The following RNF130 variants were observed in gnomAD, a reference collection of about 807,000 sequenced individuals.
The protein encoded by RNF130 is E3 ubiquitin-protein ligase RNF130.
RNF130 carries 21 observed loss-of-function variants against 44.6 expected under a neutral mutation model. The ratio of observed to expected loss-of-function variants is 0.47; its 90% CI spans 0.33 to 0.68. The LOEUF (loss-of-function observed/expected upper bound fraction) is 0.68. Ranked by LOEUF, RNF130 falls within the 30% of genes least tolerant of loss-of-function variation. The pLI is 0.02. For missense variants in RNF130, 479 were observed against 560.6 expected, an observed-to-expected ratio of 0.85 and a Z score of 1.47; for synonymous variants, 214 against 210.4, an observed-to-expected ratio of 1.02 and a Z score of -0.15.
At chr5:179,995,079 G>C (rs546216168) in intron 3 of RNF130, among the ~76,000 whole-genome samples, 1 of 152,308 alleles carries the variant, frequency 6.6e-6, no homozygotes, top group South Asian at 2.1e-4. Context: ...TCTAGGGACA[G>C]TTGCCAAACC....
chr5:179,953,122 G>T (rs1037769973), downstream of RNF130, among the ~76,000 whole-genome samples: 1 of 151,424 alleles, frequency 6.6e-6, no homozygotes, highest in African/African-American at 2.4e-5. Context: ...AAAAATATGA[G>T]AATAAATGAG....
chr5:179,929,382 T>C (rs193018571), intron 7 of RNF130, among the ~76,000 whole-genome samples: 89 of 152,344 alleles, frequency 5.8e-4, no homozygotes, highest in Middle Eastern at 3.4e-3. Flanking sequence ...TGATTTCCAG[T>C]ATCTAAGTCC....
At chr5:179,912,525 G>C (rs1761480678) in exon 8 of RNF130, 1 of 152,222 alleles carries the variant, frequency 6.6e-6, no homozygotes, top group African/African-American at 2.4e-5. Context: ...AACGCCTGGA[G>C]ACAGCACCCT....
intron 5 of RNF130, among the ~76,000 whole-genome samples, chr5:179,973,391 A>G (rs1412921735): frequency 5.9e-5 from 9 of 152,130 alleles, no homozygotes; most frequent in Non-Finnish European, 8.8e-5. Flanking sequence ...ACTTTCACTG[A>G]ACTCACTGTG....
chr5:179,930,630 G>A (rs1185761446), intron 7 of RNF130, among the ~76,000 whole-genome samples: 1 of 152,142 alleles, frequency 6.6e-6, no homozygotes, highest in Non-Finnish European at 1.5e-5. Flanking sequence ...TAGGGAAAAA[G>A]TTTTTAATAT....
chr5:179,974,753 G>C (rs970747800), intron 5 of RNF130, among the ~76,000 whole-genome samples: 2 of 152,244 alleles, frequency 1.3e-5, no homozygotes, highest in African/African-American at 4.8e-5. Context: ...AGTGTCACGA[G>C]ATGCCGGCGA....
At chr5:180,066,795 T>C (rs1765117910) in intron 1 of RNF130, among the ~76,000 whole-genome samples, 1 of 151,858 alleles carries the variant, frequency 6.6e-6, no homozygotes, top group Non-Finnish European at 1.5e-5. Flanking sequence ...ATCGCGCCAT[T>C]GCACTCCGCC....
At chr5:179,966,138 C>G (rs1762438463) in intron 7 of RNF130, among the ~76,000 whole-genome samples, 1 of 152,190 alleles carries the variant, frequency 6.6e-6, no homozygotes, top group African/African-American at 2.4e-5. Context: ...CTCACTCACA[C>G]CGTCCTGAGG....
chr5:179,989,868 G>A (rs187948222), intron 3 of RNF130, among the ~76,000 whole-genome samples: 56 of 152,018 alleles, frequency 3.7e-4, no homozygotes, highest in Middle Eastern at 3.4e-3. Flanking sequence ...TCTCTTCTTC[G>A]TGTAATTGTT....
At chr5:180,015,691 A>G (rs867956161) in intron 2 of RNF130, among the ~76,000 whole-genome samples, 15 of 119,362 alleles carry the variant, frequency 1.3e-4, no homozygotes, top group African/African-American at 4.7e-4. Flanking sequence ...AAGGAGTAGG[A>G]AAGGAGTAGG....
chr5:180,008,700 C>T (rs912305561), intron 3 of RNF130, among the ~76,000 whole-genome samples: 1 of 152,078 alleles, frequency 6.6e-6, no homozygotes, highest in African/African-American at 2.4e-5. Context: ...GCCTGGGCAA[C>T]ACAGTGAAAC....
downstream of RNF130, among the ~76,000 whole-genome samples, chr5:179,953,083 G>A (rs187797275): frequency 8.5e-4 from 129 of 151,474 alleles, no homozygotes; most frequent in African/African-American, 3.1e-3. Flanking sequence ...ACATGATCTT[G>A]TAGACAGAAA....
intron 5 of RNF130, 103 bp downstream of exon 5, chr5:179,978,100 C>T (rs1038354370): frequency 1.0e-5 from 10 of 960,026 alleles, no homozygotes; most frequent in South Asian, 6.9e-5. Flanking sequence ...CAGAAAGCCA[C>T]GAGGTGGGTG....
chr5:180,033,204 A>G (rs1421666160), intron 2 of RNF130, among the ~76,000 whole-genome samples: 1 of 151,384 alleles, frequency 6.6e-6, no homozygotes. Flanking sequence ...CTGGTTTTAA[A>G]CTCCTGGGCT....
chr5:179,933,380 A>G (rs1761838304), intron 7 of RNF130, among the ~76,000 whole-genome samples: 1 of 43,282 alleles, frequency 2.3e-5, no homozygotes, highest in African/African-American at 7.0e-5. Context: ...TTTACTAACA[A>G]TGTTCTCATA....
intron 2 of RNF130, among the ~76,000 whole-genome samples, chr5:180,037,012 G>A (rs1183737876): frequency 6.6e-6 from 1 of 151,870 alleles, no homozygotes; most frequent in African/African-American, 2.4e-5. Flanking sequence ...AAAAAGTTTT[G>A]CATTTTAATT....
intron 1 of RNF130, among the ~76,000 whole-genome samples, chr5:180,057,314 C>T (rs144993883): frequency 0.22 from 33,524 of 152,132 alleles, 4,736 homozygotes; most frequent in Non-Finnish European, 0.3. Context: ...TTTGGGAGGC[C>T]GAGGCGGGAG....
intron 2 of RNF130, among the ~76,000 whole-genome samples, chr5:180,014,869 C>T (rs760310480): frequency 1.3e-5 from 2 of 151,990 alleles, no homozygotes; most frequent in Non-Finnish European, 2.9e-5. Context: ...GTCTGTGGTC[C>T]CAGATACTCA....
intron 7 of RNF130, among the ~76,000 whole-genome samples, chr5:179,942,277 T>C (rs1300891689): frequency 6.6e-6 from 1 of 151,754 alleles, no homozygotes; most frequent in East Asian, 1.9e-4. Flanking sequence ...TTAATGAAGA[T>C]TACAAAGGTT....
Sources: allele counts gnomAD v4.1 joint callset (sites outside exome capture counted in the v4.1 genomes callset), GRCh38; gene constraint gnomAD v4.1.1; transcripts MANE v1.5; gene names NCBI Gene and HGNC (gene_info 2026-07-23, HGNC 2026-07-21).